The following PPP3CA variants were observed in gnomAD, a reference collection of about 807,000 sequenced individuals.
The protein encoded by PPP3CA is CAM-PRP catalytic subunit.
Under a neutral mutation model 66.5 loss-of-function variants are expected in PPP3CA, and 14 were observed. That is an observed-to-expected ratio of 0.21 (90% CI 0.14 to 0.33). The LOEUF (loss-of-function observed/expected upper bound fraction) is 0.33, where lower values mean the gene tolerates loss of function less well. Ranked by LOEUF, PPP3CA falls within the 10% of genes least tolerant of loss-of-function variation. PPP3CA has a pLI of 1.00. For synonymous variants in PPP3CA, 232 were observed against 226.2 expected, an observed-to-expected ratio of 1.03 and a Z score of -0.23; for missense variants, 317 against 639.5, an observed-to-expected ratio of 0.50 and a Z score of 5.44.
intron 1 of PPP3CA, among the ~76,000 whole-genome samples, chr4:101,334,522 T>C (rs1729565387): frequency 6.6e-6 from 1 of 152,082 alleles, no homozygotes; most frequent in Non-Finnish European, 1.5e-5. Flanking sequence ...AATAACAGGA[T>C]TTTTTTCCTA....
At chr4:101,233,858 A>G (rs1726041368) in intron 1 of PPP3CA, among the ~76,000 whole-genome samples, 1 of 151,510 alleles carries the variant, frequency 6.6e-6, no homozygotes, top group African/African-American at 2.4e-5. Context: ...CTGTTTCATC[A>G]CTCAGGTAGG....
At chr4:101,235,179 C>T (rs1285497089) in intron 1 of PPP3CA, among the ~76,000 whole-genome samples, 1 of 151,788 alleles carries the variant, frequency 6.6e-6, no homozygotes, top group African/African-American at 2.4e-5. Flanking sequence ...ACAATTTACA[C>T]AATTTAAGAA....
intron 1 of PPP3CA, among the ~76,000 whole-genome samples, chr4:101,282,571 G>T (rs1017996654): frequency 6.6e-6 from 1 of 152,116 alleles, no homozygotes; most frequent in Non-Finnish European, 1.5e-5. Flanking sequence ...CACTCATTCT[G>T]GGTTCTTCCC....
intron 1 of PPP3CA, among the ~76,000 whole-genome samples, chr4:101,268,506 A>T (rs1727237455): frequency 6.6e-6 from 1 of 152,086 alleles, no homozygotes; most frequent in Admixed American, 6.6e-5. Context: ...CTACAATAGT[A>T]CCCTAAATAT....
intron 3 of PPP3CA, among the ~76,000 whole-genome samples, 159 bp from the exon 4 acceptor site, chr4:101,099,881 G>C (rs1462502896): frequency 6.6e-6 from 1 of 151,848 alleles, no homozygotes; most frequent in African/African-American, 2.4e-5. Context: ...CAATCAAATA[G>C]GAAACATTAC....
chr4:101,093,504 G>C (rs1004328483), intron 6 of PPP3CA, among the ~76,000 whole-genome samples: 1 of 151,592 alleles, frequency 6.6e-6, no homozygotes. Flanking sequence ...AAAAAATAAT[G>C]ACTTGCTTTA....
chr4:101,344,088 T>C (rs1729904376), intron 1 of PPP3CA, among the ~76,000 whole-genome samples: 1 of 152,180 alleles, frequency 6.6e-6, no homozygotes, highest in South Asian at 2.1e-4. Context: ...TCAAAGATAA[T>C]TTCTTTTCTG....
At chr4:101,130,853 C>A (rs1165312358) in intron 2 of PPP3CA, among the ~76,000 whole-genome samples, 2 of 152,174 alleles carry the variant, frequency 1.3e-5, no homozygotes, top group East Asian at 3.8e-4. Context: ...AAACATCCAG[C>A]TAGCATCATA....
intron 10 of PPP3CA, among the ~76,000 whole-genome samples, chr4:101,054,270 G>C (rs921883280): frequency 6.6e-6 from 1 of 151,996 alleles, no homozygotes; most frequent in Non-Finnish European, 1.5e-5. Context: ...AAAGCTCCAA[G>C]CTAATGGCTC....
chr4:101,048,099 T>A (rs756125415), intron 10 of PPP3CA, among the ~76,000 whole-genome samples: 4 of 152,022 alleles, frequency 2.6e-5, no homozygotes, highest in African/African-American at 4.8e-5. Flanking sequence ...TTTTTATAGC[T>A]CAAGGAAATG....
intron 1 of PPP3CA, among the ~76,000 whole-genome samples, chr4:101,297,341 G>A (rs550373223): frequency 1.3e-4 from 20 of 152,266 alleles, no homozygotes; most frequent in Non-Finnish European, 2.4e-4. Context: ...TGAAGAACCT[G>A]ACACATGGGG....
intron 11 of PPP3CA, among the ~76,000 whole-genome samples, chr4:101,036,928 C>G (rs915855059): frequency 6.6e-6 from 1 of 152,174 alleles, no homozygotes; most frequent in Non-Finnish European, 1.5e-5. Context: ...GGAATACTTC[C>G]TCTCTCTTGT....
At chr4:101,295,393 GT>G (rs1220130036) in intron 1 of PPP3CA, among the ~76,000 whole-genome samples, 1 of 151,062 alleles carries the variant, frequency 6.6e-6, no homozygotes, top group African/African-American at 2.4e-5. Flanking sequence ...AGGCAAATGA[GT>G]TTTATCAAAA....
At chr4:101,255,543 T>C (rs987231880) in intron 1 of PPP3CA, among the ~76,000 whole-genome samples, 1 of 151,770 alleles carries the variant, frequency 6.6e-6, no homozygotes, top group African/African-American at 2.4e-5. Context: ...CCCTCCTCTC[T>C]AATATTTTAT....
At chr4:101,341,463 G>A (rs797018398) in intron 1 of PPP3CA, among the ~76,000 whole-genome samples, 104 of 152,182 alleles carry the variant, frequency 6.8e-4, no homozygotes, top group African/African-American at 2.4e-3. Flanking sequence ...TTGACCCAAG[G>A]CACTCATGGC....
At chr4:101,262,423 A>T (rs970330645) in intron 1 of PPP3CA, among the ~76,000 whole-genome samples, 13 of 152,084 alleles carry the variant, frequency 8.5e-5, no homozygotes, top group Admixed American at 5.2e-4. Context: ...ATTTGTATTT[A>T]TTTTTTGTCT....
At chr4:101,200,220 ACCT>A (rs1286657861) in intron 1 of PPP3CA, among the ~76,000 whole-genome samples, 43 of 152,282 alleles carry the variant, frequency 2.8e-4, no homozygotes, top group African/African-American at 1.0e-3. Flanking sequence ...CCATGGTGAC[ACCT>A]TGACTGGAAG....
chr4:101,314,982 C>T (rs2044042), intron 1 of PPP3CA, among the ~76,000 whole-genome samples: 42,826 of 151,804 alleles, frequency 0.28, 6,646 homozygotes, highest in East Asian at 0.5. Context: ...TCATTAAATA[C>T]AACAGTCCTA....
At chr4:101,121,552 C>T (rs2110273591) in intron 2 of PPP3CA, among the ~76,000 whole-genome samples, 1 of 152,032 alleles carries the variant, frequency 6.6e-6, no homozygotes, top group East Asian at 1.9e-4. Context: ...GTTAATATGT[C>T]AGAACAGAAA....
Sources: gnomAD v4.1 joint callset for allele counts (sites outside exome capture counted in the v4.1 genomes callset) on GRCh38, gnomAD v4.1.1 for gene constraint, MANE v1.5 for transcripts, NCBI Gene and HGNC (gene_info 2026-07-23, HGNC 2026-07-21) for gene names.